The following STRBP variants were observed in gnomAD, a reference collection of about 807,000 sequenced individuals.
The protein encoded by STRBP is spermatid perinuclear RNA-binding protein.
STRBP carries 13 observed loss-of-function variants against 80.1 expected under a neutral mutation model. The observed-to-expected ratio is 0.16, with a 90% CI of 0.11 to 0.26. The LOEUF (loss-of-function observed/expected upper bound fraction) is 0.26. Ranked by LOEUF, STRBP falls within the 10% of genes least tolerant of loss-of-function variation. The pLI is 1.00. For synonymous variants in STRBP, 284 were observed against 291.2 expected (o/e 0.98, Z 0.25); for missense variants, 485 against 815.2 (o/e 0.59, Z 4.93).
At chr9:123,253,339 T>C (rs2040955760) in intron 1 of STRBP, among the ~76,000 whole-genome samples, 1 of 152,224 alleles carries the variant, frequency 6.6e-6, no homozygotes, top group African/African-American at 2.4e-5. Context: ...CAAATCATAG[T>C]GGGACAGGAT....
chr9:123,220,909 T>A (rs2040046184), intron 2 of STRBP, among the ~76,000 whole-genome samples: 1 of 152,098 alleles, frequency 6.6e-6, no homozygotes, highest in African/African-American at 2.4e-5. Flanking sequence ...ATCAGGTCTA[T>A]CTAGCTCCAA....
rs528122706 is a variant in STRBP, at chr9:123,130,079, G to C, written c.1898-1821C>G. ...TCCTTAAGAAGAAATGAGACCACAA[G>C]TACTAACTAGGTCATTCATCAGGAC... On this transcript the variant is annotated intron_variant, in intron 17 of 18. Transcript: ENST00000348403. Among the ~76,000 whole-genome samples the C allele has an allele frequency of 7.9e-5, 12 of 152,256 alleles. No homozygotes were observed. The South Asian group carries it at 2.5e-3, about 32-fold the overall frequency.
chr9:123,120,147 A>G (rs2035707902), downstream of STRBP, among the ~76,000 whole-genome samples: 1 of 152,040 alleles, frequency 6.6e-6, no homozygotes, highest in East Asian at 1.9e-4. Context: ...AGAGAAACAC[A>G]TCAATATTGA....
At chr9:123,140,558 C>T (rs1402325583) in intron 13 of STRBP, among the ~76,000 whole-genome samples, 1 of 152,078 alleles carries the variant, frequency 6.6e-6, no homozygotes, top group Non-Finnish European at 1.5e-5. Flanking sequence ...TGCGCCACTG[C>T]ACTCCAGCCT....
chr9:123,195,725 A>G (rs141153950), intron 2 of STRBP, among the ~76,000 whole-genome samples: 72 of 152,348 alleles, frequency 4.7e-4, no homozygotes, highest in Middle Eastern at 3.4e-3. Context: ...AAGATATTCT[A>G]TATTCATGGA....
In STRBP at chr9:123,122,628, T is replaced by C; in HGVS notation, c.*2969A>G. On this transcript the variant is annotated 3_prime_UTR_variant, in exon 19 of 19. Coordinates refer to ENST00000348403, the MANE Select transcript of STRBP (RefSeq NM_018387.5). The stretch of plus-strand genomic sequence containing the variant: ...TGGAAATCTACTGGACCAATTACCT[T>C]GCACAAGAGATGGGGTACTCCTGCA... 1 of 1,048,920 alleles carries C rather than the reference T, an allele frequency of 9.5e-7. No individual in the cohort carries two copies. The highest frequency in any genetic ancestry group is 1.1e-6 in the Non-Finnish European group (1 of 869,728). 65.0% of individuals were successfully genotyped at this position (1,048,920 alleles called of 1,614,324 possible).
intron 2 of STRBP, among the ~76,000 whole-genome samples, chr9:123,221,972 C>T (rs1242341584): frequency 1.3e-5 from 2 of 152,140 alleles, no homozygotes; most frequent in African/African-American, 4.8e-5. Flanking sequence ...GTTATGGCAT[C>T]CAGTGATCGT....
intron 16 of STRBP, 193 bp downstream of exon 16, chr9:123,135,848 T>C (rs2036331604): frequency 3.6e-6 from 2 of 559,114 alleles, no homozygotes; most frequent in South Asian, 5.1e-5. Flanking sequence ...TATATTTTGT[T>C]TAGAAAGTCC....
At chr9:123,247,184 C>T (rs1229691994) in intron 1 of STRBP, among the ~76,000 whole-genome samples, 1 of 152,198 alleles carries the variant, frequency 6.6e-6, no homozygotes, top group African/African-American at 2.4e-5. Context: ...AAAAACTCCT[C>T]TACAATCCAA....
chr9:123,244,079 G>A (rs1464110032), intron 1 of STRBP, among the ~76,000 whole-genome samples: 2 of 152,290 alleles, frequency 1.3e-5, no homozygotes, highest in South Asian at 4.1e-4. Context: ...GTTGAATACT[G>A]TGGTTCATCC....
At position 123,179,232 on chromosome 9, in the gene STRBP, TAGA is replaced by T. The variant is rs1564270940; in HGVS notation, c.4-8_4-6del. 1.3e-6 allele frequency: 2 copies of T among 1,596,382 alleles called. No individual in the cohort carries two copies. Among genetic ancestry groups the T allele is most frequent in the Non-Finnish European group, 1.7e-6 (2 of 1,165,862 alleles). On this transcript the variant is annotated splice_polypyrimidine_tract_variant and splice_region_variant and intron_variant, in intron 3 of 18. Transcript: ENST00000348403. ...AGCAAAAGATCGAATAGATCTCTGT[TAGA>T]AGGAGAACGAAAACAATTACTTCAA... is the stretch of plus-strand genomic sequence containing the variant.
chr9:123,165,922 T>C (rs1428495846), intron 6 of STRBP, among the ~76,000 whole-genome samples: 1 of 152,226 alleles, frequency 6.6e-6, no homozygotes, highest in Non-Finnish European at 1.5e-5. Context: ...TAACAGAGAT[T>C]AATCTTCAAT....
In STRBP at chr9:123,204,938, A is replaced by AAAG. The variant is rs1356510493; in HGVS notation, c.-164-20641_-164-20640insCTT. On this transcript the variant is annotated intron_variant, in intron 2 of 18. Coordinates refer to ENST00000348403, the MANE Select transcript of STRBP (RefSeq NM_018387.5). ...GACTCCATCTCAAAAAAAAAAAAAAAAAAGAAAGAAAGAAAGGAAAAAAAA... is the reference window on the plus strand; with the variant it reads ...GACTCCATCTCAAAAAAAAAAAAAAAAAGAAAGAAAGAAAGAAAGGAAAAAAAA... Among the ~76,000 whole-genome samples the AAAG allele has an allele frequency of 2.2e-4, 33 of 149,618 alleles. No individual in the cohort carries two copies. In the East Asian group the frequency reaches 5.8e-3, roughly 26 times the overall value.
chr9:123,136,303 C>G lies in STRBP; in HGVS notation c.1632+78G>C. On this transcript the variant is annotated intron_variant, in intron 15 of 18. Transcript: ENST00000348403. This position sits in a 1 kb window ranked among gnomAD's most constrained non-coding sequence, Gnocchi z 4.2. ...ATAGTGCCACAAGAACTGACTCAGT[C>G]TAAAACTTTACATTAAGTTCAGGAT... 6.3e-7 allele frequency: 1 copy of G among 1,599,384 alleles called. No homozygotes were observed. The highest frequency in any genetic ancestry group is 1.1e-5 in the South Asian group (1 of 88,786).
chr9:123,146,060 A>G (rs1468565586), intron 13 of STRBP, among the ~76,000 whole-genome samples: 1 of 151,868 alleles, frequency 6.6e-6, no homozygotes, highest in East Asian at 1.9e-4. Context: ...CACTAATAAT[A>G]CATACAAAAT....
intron 2 of STRBP, among the ~76,000 whole-genome samples, chr9:123,187,890 A>G (rs1412243882): frequency 6.6e-6 from 1 of 152,126 alleles, no homozygotes; most frequent in Non-Finnish European, 1.5e-5. Flanking sequence ...CATAGTTTAC[A>G]TTAGGGTTCA....
chr9:123,222,834 T>C (rs985647135), intron 2 of STRBP, among the ~76,000 whole-genome samples: 14 of 152,196 alleles, frequency 9.2e-5, no homozygotes, highest in Admixed American at 3.9e-4. Flanking sequence ...TTTTACAATA[T>C]GATCCAAAAA....
intron 5 of STRBP, among the ~76,000 whole-genome samples, chr9:123,173,112 C>G (rs1214957229): frequency 2.0e-5 from 3 of 152,152 alleles, no homozygotes; most frequent in Admixed American, 2.0e-4. Flanking sequence ...CCTGAGGAGC[C>G]TTCAGCCTTC....
chr9:123,148,857 C>T (rs1376723619), intron 11 of STRBP, among the ~76,000 whole-genome samples: 23 of 152,096 alleles, frequency 1.5e-4, no homozygotes, highest in Admixed American at 1.5e-3. Flanking sequence ...ATCTTACAAA[C>T]TACCTTAACA....
Sources: allele counts gnomAD v4.1 joint callset (sites outside exome capture counted in the v4.1 genomes callset), GRCh38; gene constraint gnomAD v4.1.1; non-coding constraint Gnocchi (gnomAD v3.1); transcripts MANE v1.5; gene names NCBI Gene and HGNC (gene_info 2026-07-23, HGNC 2026-07-21).